MAD1L1: variants seen among roughly 807,000 people sequenced by gnomAD.
The protein encoded by MAD1L1 is mitotic arrest deficient 1 like 1, also known as mitotic spindle assembly checkpoint protein MAD1.
A neutral mutation model predicts 96.9 loss-of-function variants in MAD1L1; 95 were observed. That is an observed-to-expected ratio of 0.98 (90% confidence interval 0.83 to 1.16). The LOEUF (loss-of-function observed/expected upper bound fraction) is 1.16. MAD1L1 is among the 50% of genes most tolerant of loss of function. MAD1L1 has a pLI of 0.00. For missense variants in MAD1L1, 1,007 were observed against 954.4 expected, an observed-to-expected ratio of 1.06 and a Z score of -0.73; for synonymous variants, 473 against 396.6, an observed-to-expected ratio of 1.19 and a Z score of -2.29.
In MAD1L1 at chr7:2,213,367, C is replaced by T; in HGVS notation, c.925-94G>A. On this transcript the variant is annotated intron_variant, in intron 9 of 18. Coordinates refer to ENST00000265854, the MANE Select transcript of MAD1L1 (RefSeq NM_001013836.2). ...CATGATCACGGTGCTAAGTCCCTGA[C>T]CTCTCAGGAGAGCCTGCCCTCATCT... 3.4e-6 allele frequency: 4 copies of T among 1,185,842 alleles called. No individual in the cohort carries two copies. In the South Asian group the frequency reaches 4.9e-5, roughly 15 times the overall value. The allele number at this position is 1,185,842 out of a possible 1,614,324, so 73.5% of individuals were successfully genotyped here.
chr7:2,187,086 C>T (rs1243577145), intron 10 of MAD1L1, among the ~76,000 whole-genome samples: 1 of 152,046 alleles, frequency 6.6e-6, no homozygotes, highest in Non-Finnish European at 1.5e-5. Flanking sequence ...AGTCACTGTG[C>T]CTGGCCATCA....
At chr7:1,884,385 C>T (rs1785881060) in intron 18 of MAD1L1, among the ~76,000 whole-genome samples, 1 of 152,204 alleles carries the variant, frequency 6.6e-6, no homozygotes. Flanking sequence ...CTTGGGAAGC[C>T]TGAGGTGAGC....
intron 18 of MAD1L1, among the ~76,000 whole-genome samples, chr7:1,873,367 G>A (rs1472916328): frequency 6.6e-6 from 1 of 152,192 alleles, no homozygotes; most frequent in Non-Finnish European, 1.5e-5. Flanking sequence ...GGTGGGAGCA[G>A]GGGCAGGGCT....
intron 11 of MAD1L1, among the ~76,000 whole-genome samples, chr7:2,132,261 C>T (rs1025541465): frequency 6.6e-6 from 1 of 152,248 alleles, no homozygotes; most frequent in Non-Finnish European, 1.5e-5. Context: ...GCACCGTGCA[C>T]GACTGCAGTC....
In MAD1L1 at chr7:2,199,998, A is replaced by C. The variant is rs144947164; in HGVS notation, c.986+13214T>G. The stretch of plus-strand genomic sequence containing the variant: ...GAGTTCCAGGAAGCCACACTCACAA[A>C]GGCCCGAGGGCAAGGGAGGGGTAAC... On this transcript the variant is annotated intron_variant, in intron 10 of 18. Coordinates refer to ENST00000265854, the MANE Select transcript of MAD1L1 (RefSeq NM_001013836.2). 7.2e-3 allele frequency among the ~76,000 whole-genome samples: 1,090 copies of C among 152,298 alleles called. 8 individuals carry two copies. Among genetic ancestry groups the C allele is most frequent in the Non-Finnish European group, 0.012 (825 of 68,002 alleles).
intron 11 of MAD1L1, among the ~76,000 whole-genome samples, chr7:2,102,276 A>ACCG (rs1232462320): frequency 1.0e-4 from 15 of 146,104 alleles, no homozygotes; most frequent in African/African-American, 3.3e-4. Context: ...CATCACTATC[A>ACCG]CCACCACCAC....
intron 18 of MAD1L1, among the ~76,000 whole-genome samples, chr7:1,870,992 T>TACGCCTGCCAC (rs1785050974): frequency 1.3e-5 from 1 of 78,534 alleles, no homozygotes; most frequent in Admixed American, 1.2e-4. Context: ...ACGCCTGCCA[T>TACGCCTGCCAC]GCCGAACCAA....
At chr7:1,820,546 C>G (rs1442428210) in intron 18 of MAD1L1, among the ~76,000 whole-genome samples, 1 of 152,086 alleles carries the variant, frequency 6.6e-6, no homozygotes, top group African/African-American at 2.4e-5. Context: ...GTGAGAGGAT[C>G]ACTTGAGCCC....
At chr7:1,901,083 AG>A (rs1427318481) in intron 17 of MAD1L1, among the ~76,000 whole-genome samples, 1 of 151,936 alleles carries the variant, frequency 6.6e-6, no homozygotes, top group African/African-American at 2.4e-5. Context: ...CTCGGAGGTG[AG>A]GGGGCCCTGA....
intron 17 of MAD1L1, among the ~76,000 whole-genome samples, chr7:1,904,194 T>C (rs910031487): frequency 1.3e-5 from 2 of 148,984 alleles, no homozygotes; most frequent in African/African-American, 2.6e-5. Context: ...AATGAAGCAC[T>C]GTTCCAGGCA....
intron 2 of MAD1L1, 86 bp downstream of exon 2, chr7:2,230,463 C>A: frequency 3.7e-6 from 1 of 273,900 alleles, no homozygotes; most frequent in Non-Finnish European, 7.2e-6. Flanking sequence ...CCCAACTGCA[C>A]TGTAAGAGGG....
chr7:1,848,321 T>G, intron 18 of MAD1L1: 1 of 160,872 alleles, frequency 6.2e-6, no homozygotes, highest in South Asian at 1.8e-4. Context: ...GAAGTGTGGG[T>G]GGGCTGTGTG....
At chr7:2,067,686 T>C (rs1784943610) in intron 12 of MAD1L1, among the ~76,000 whole-genome samples, 8 of 152,218 alleles carry the variant, frequency 5.3e-5, no homozygotes, top group Admixed American at 5.2e-4. Flanking sequence ...CTCCTCCCGC[T>C]CCAGGCCTCG....
At chr7:2,056,388 G>A (rs1393020797) in intron 12 of MAD1L1, among the ~76,000 whole-genome samples, 2 of 143,600 alleles carry the variant, frequency 1.4e-5, no homozygotes, top group Non-Finnish European at 3.0e-5. Context: ...TGGGAGGGAT[G>A]GAGGCCCTCT....
chr7:1,951,640 C>T (rs1779499904), intron 16 of MAD1L1, among the ~76,000 whole-genome samples: 1 of 152,186 alleles, frequency 6.6e-6, no homozygotes, highest in Non-Finnish European at 1.5e-5. Context: ...CACCTCCTGT[C>T]TATGGATCTG....
At chr7:1,841,785 C>A (rs59974287) in intron 18 of MAD1L1, among the ~76,000 whole-genome samples, 1 of 152,236 alleles carries the variant, frequency 6.6e-6, no homozygotes, top group Admixed American at 6.5e-5. Context: ...CTCAGTGTCC[C>A]CACCTGTGAA....
intron 11 of MAD1L1, among the ~76,000 whole-genome samples, chr7:2,097,068 G>T (rs1376853596): frequency 6.6e-6 from 1 of 152,150 alleles, no homozygotes; most frequent in Non-Finnish European, 1.5e-5. Flanking sequence ...CACACCAGCT[G>T]CAAGGCGGGA....
intron 18 of MAD1L1, among the ~76,000 whole-genome samples, chr7:1,866,209 G>C (rs1036773303): frequency 2.0e-5 from 3 of 152,156 alleles, no homozygotes; most frequent in Non-Finnish European, 4.4e-5. Flanking sequence ...TAGGGCCTCA[G>C]TACATGCTGG....
chr7:2,104,669 C>G (rs531805995), intron 11 of MAD1L1, among the ~76,000 whole-genome samples: 24 of 96,742 alleles, frequency 2.5e-4, no homozygotes, highest in Admixed American at 6.6e-4. Context: ...ACTTACATGC[C>G]TCATTGTGAC....
Sources: gnomAD v4.1 joint callset for allele counts (sites outside exome capture counted in the v4.1 genomes callset) on GRCh38, gnomAD v4.1.1 for gene constraint, MANE v1.5 for transcripts, NCBI Gene and HGNC (gene_info 2026-07-23, HGNC 2026-07-21) for gene names.